MARCHF1: variants seen among roughly 807,000 people sequenced by gnomAD.
The protein encoded by MARCHF1 is E3 ubiquitin-protein ligase MARCHF1.
In MARCHF1, 40 loss-of-function variants were observed where a neutral mutation model predicts 54.2. That is an observed-to-expected ratio of 0.74 (90% CI 0.57 to 0.96). The LOEUF (loss-of-function observed/expected upper bound fraction) is 0.96. MARCHF1 is among the 40% of genes least tolerant of loss of function. The probability of loss-of-function intolerance (pLI) is 0.00; values close to 1 mark genes in which losing one functional copy is unlikely to be tolerated. For synonymous variants in MARCHF1, 236 were observed against 236.3 expected (o/e 1.00, Z 0.01); for missense variants, 586 against 656.5 (o/e 0.89, Z 1.17).
chr4:164,321,184 C>G (rs142913111), intron 1 of MARCHF1, among the ~76,000 whole-genome samples: 1 of 152,224 alleles, frequency 6.6e-6, no homozygotes, highest in East Asian at 1.9e-4. Context: ...TGATAGAAAA[C>G]CTCTGTAGAA....
intron 1 of MARCHF1, among the ~76,000 whole-genome samples, chr4:164,315,289 T>C (rs947306231): frequency 6.9e-6 from 1 of 145,564 alleles, no homozygotes; most frequent in African/African-American, 2.5e-5. Flanking sequence ...TACAATGCCA[T>C]CTTGTAGAAA....
intron 3 of MARCHF1, among the ~76,000 whole-genome samples, chr4:163,966,632 T>C (rs1359870059): frequency 2.0e-5 from 3 of 152,146 alleles, no homozygotes; most frequent in African/African-American, 7.2e-5. Flanking sequence ...TTTTTCCATA[T>C]GTCAGGCACT....
intron 4 of MARCHF1, among the ~76,000 whole-genome samples, chr4:163,750,516 A>ATAAATAAG (rs1398581666): frequency 6.2e-5 from 4 of 64,196 alleles, no homozygotes; most frequent in Non-Finnish European, 4.4e-5. Context: ...GTCTCAAAAA[A>ATAAATAAG]TAAATAAATA....
intron 1 of MARCHF1, among the ~76,000 whole-genome samples, chr4:164,144,384 C>A (rs1472408764): frequency 1.3e-5 from 2 of 151,042 alleles, no homozygotes; most frequent in African/African-American, 2.5e-5. Flanking sequence ...TTCAGCACCA[C>A]ACCACACCTA....
At chr4:163,875,571 C>T (rs935097260) in intron 3 of MARCHF1, among the ~76,000 whole-genome samples, 6 of 152,128 alleles carry the variant, frequency 3.9e-5, no homozygotes, top group Non-Finnish European at 8.8e-5. Context: ...GGAAAGCGGT[C>T]TCATGAACTT....
Position 163,652,975 on chromosome 4 carries a change from AG to A in MARCHF1, c.163-39583del, listed in dbSNP as rs756144451. ...CCTCATGGAGTTCATGTATTATCAA[AG>A]GGGGGAAGGTTGGACACAGGAAATT... On this transcript the variant is annotated intron_variant, in intron 5 of 9. Coordinates refer to ENST00000514618, the MANE Select transcript of MARCHF1 (RefSeq NM_001394959.1). Among the ~76,000 whole-genome samples the A allele has an allele frequency of 1.2e-4, 18 of 151,840 alleles. 1 individual carries two copies. The highest frequency in any genetic ancestry group is 2.5e-4 in the Non-Finnish European group (17 of 67,860).
rs374557907 is a variant in MARCHF1, at chr4:163,918,044, T to C, written c.-38-63875A>G. The stretch of plus-strand genomic sequence containing the variant: ...AGTTTTGGGTTTTACAATTAAGACT[T>C]TAATCCATTTTGAGTTAATTTTTGT... On this transcript the variant is annotated intron_variant, in intron 3 of 9. Transcript: ENST00000514618. Among the ~76,000 whole-genome samples the C allele has an allele frequency of 1.2e-4, 18 of 152,306 alleles. 1 individual carries two copies. In the East Asian group the frequency reaches 2.1e-3, roughly 18 times the overall value.
chr4:164,339,153 A>C (rs992397833), intron 1 of MARCHF1, among the ~76,000 whole-genome samples: 1 of 152,162 alleles, frequency 6.6e-6, no homozygotes, highest in African/African-American at 2.4e-5. Context: ...CACTTTCAAC[A>C]ACGGATAGAT....
At chr4:163,973,578 A>C (rs1220421542) in intron 3 of MARCHF1, among the ~76,000 whole-genome samples, 1 of 152,224 alleles carries the variant, frequency 6.6e-6, no homozygotes, top group East Asian at 1.9e-4. Context: ...GGAGGGCACT[A>C]CCAAAGGACT....
intron 4 of MARCHF1, among the ~76,000 whole-genome samples, chr4:163,771,223 A>C (rs1425162151): frequency 6.6e-6 from 1 of 152,134 alleles, no homozygotes; most frequent in Non-Finnish European, 1.5e-5. Flanking sequence ...ATTGGCATCT[A>C]GTGAGGAGAG....
intron 1 of MARCHF1, among the ~76,000 whole-genome samples, chr4:164,274,477 T>G (rs1266061050): frequency 2.0e-5 from 3 of 151,928 alleles, no homozygotes; most frequent in Non-Finnish European, 2.9e-5. Flanking sequence ...GAAAAAAAAT[T>G]ATTAAGAGGA....
intron 3 of MARCHF1, among the ~76,000 whole-genome samples, chr4:163,909,203 A>T (rs1751135637): frequency 6.6e-6 from 1 of 152,182 alleles, no homozygotes; most frequent in South Asian, 2.1e-4. Context: ...GAATAATGTA[A>T]TTAAATTGTG....
chr4:163,679,993 T>C (rs1329323112), intron 5 of MARCHF1, among the ~76,000 whole-genome samples: 1 of 150,716 alleles, frequency 6.6e-6, no homozygotes. Context: ...TTTTTTTTTT[T>C]TTCTTTTCTA....
At chr4:163,605,876 G>A (rs1741125841) in intron 7 of MARCHF1, among the ~76,000 whole-genome samples, 1 of 151,984 alleles carries the variant, frequency 6.6e-6, no homozygotes, top group Non-Finnish European at 1.5e-5. Context: ...TGGACACAGG[G>A]AGGGGAACAT....
Position 164,317,529 on chromosome 4 carries a change from C to A in MARCHF1, c.-323+66341G>T, listed in dbSNP as rs183756143. On this transcript the variant is annotated intron_variant, in intron 1 of 9. Transcript: ENST00000514618. ...GCAAGAGGGTGAAAAAGGAGACTAG[C>A]CCCCTTTTCAAAAGAGATTCCCTAA... Among the ~76,000 whole-genome samples, 179 of 152,194 alleles carry A rather than the reference C, an allele frequency of 1.2e-3. 1 individual carries two copies. Among genetic ancestry groups the A allele is most frequent in the African/African-American group, 4.2e-3 (173 of 41,524 alleles).
chr4:163,666,464 G>A (rs569723801), intron 5 of MARCHF1, among the ~76,000 whole-genome samples: 30 of 152,192 alleles, frequency 2.0e-4, no homozygotes, highest in African/African-American at 7.0e-4. Flanking sequence ...TGCAGCAATA[G>A]GGATTATTTC....
chr4:163,766,863 T>C (rs1396710959), intron 4 of MARCHF1, among the ~76,000 whole-genome samples: 2 of 152,156 alleles, frequency 1.3e-5, no homozygotes, highest in East Asian at 1.9e-4. Flanking sequence ...CCTTATCATT[T>C]TGCATCTACT....
intron 4 of MARCHF1, among the ~76,000 whole-genome samples, chr4:163,819,987 T>G (rs1378102685): frequency 6.6e-6 from 1 of 152,130 alleles, no homozygotes; most frequent in African/African-American, 2.4e-5. Flanking sequence ...AATCAACATA[T>G]GAAAACAAAC....
chr4:164,177,121 A>G (rs917942698), intron 1 of MARCHF1, among the ~76,000 whole-genome samples: 3 of 150,948 alleles, frequency 2.0e-5, no homozygotes, highest in African/African-American at 4.9e-5. Context: ...AATAGTTTCA[A>G]TCGTACTGCA....
Sources: allele counts gnomAD v4.1 joint callset (sites outside exome capture counted in the v4.1 genomes callset), GRCh38; gene constraint gnomAD v4.1.1; transcripts MANE v1.5; gene names NCBI Gene and HGNC (gene_info 2026-07-23, HGNC 2026-07-21).